Variants in LY96 observed in about 807,000 individuals in gnomAD.
LY96 encodes the protein lymphocyte antigen 96.
In LY96, 18 loss-of-function variants were observed where a neutral mutation model predicts 18.9. The observed-to-expected ratio is 0.95, with a 90% confidence interval of 0.66 to 1.41. The LOEUF is 1.41. Ranked by LOEUF, LY96 falls within the 40% of genes most tolerant of loss-of-function variation. LY96 has a pLI of 0.00. For synonymous variants in LY96, 66 were observed against 62.6 expected (o/e 1.06, Z -0.26); for missense variants, 175 against 182.4 (o/e 0.96, Z 0.23).
chr8:74,089,072 C>T, the LY96 span, among the ~76,000 whole-genome samples: 1 of 152,152 alleles, frequency 6.6e-6, no homozygotes, highest in South Asian at 2.1e-4. Flanking sequence ...AATCCCCTGA[C>T]TTCCTAGCAG....
At chr8:74,082,092 A>AT in the LY96 span, among the ~76,000 whole-genome samples, 24 of 152,060 alleles carry the variant, frequency 1.6e-4, no homozygotes, top group Non-Finnish European at 2.6e-4. Flanking sequence ...CTACAGTCCT[A>AT]TTTTTTGTGC....
At chr8:74,059,425 G>A in the LY96 span, among the ~76,000 whole-genome samples, 1 of 152,096 alleles carries the variant, frequency 6.6e-6, no homozygotes, top group Non-Finnish European at 1.5e-5. Context: ...CAGGAGGTGG[G>A]GATTTCTCTA....
chr8:74,013,892 A>G (rs1474511513), intron 3 of LY96, among the ~76,000 whole-genome samples: 1 of 152,088 alleles, frequency 6.6e-6, no homozygotes, highest in African/African-American at 2.4e-5. Context: ...CCGGTATCCT[A>G]TAGTCAGTGG....
chr8:74,057,118 T>C, the LY96 span, among the ~76,000 whole-genome samples: 7 of 152,078 alleles, frequency 4.6e-5, no homozygotes, highest in Non-Finnish European at 8.8e-5. Flanking sequence ...GGAAAACACA[T>C]GATGTAGTTT....
the LY96 span, among the ~76,000 whole-genome samples, chr8:74,074,494 C>T: frequency 6.6e-6 from 1 of 150,986 alleles, no homozygotes; most frequent in African/African-American, 2.4e-5. Context: ...TTTATTTATG[C>T]TCTGATGTTT....
chr8:74,022,266 G>T (rs1005515557), intron 3 of LY96, among the ~76,000 whole-genome samples: 2 of 151,896 alleles, frequency 1.3e-5, no homozygotes, highest in African/African-American at 4.8e-5. Context: ...AAGTAGATGG[G>T]TGTGGTAGCA....
rs910793478 is a variant in LY96, at chr8:74,009,906, A to C, written c.203-95A>C. On this transcript the variant is annotated intron_variant, in intron 2 of 4. Transcript: ENST00000284818. ...TGATTAAATGAAATAATGTAAGAAA[A>C]GCACAGGGCCCCTTTTAACTATACA... 47 of 858,896 alleles carry C rather than the reference A, an allele frequency of 5.5e-5. 1 individual carries two copies. The highest frequency in any genetic ancestry group is 3.7e-4 in the South Asian group (26 of 70,498). The allele number at this position is 858,896 out of a possible 1,614,324, so 53.2% of individuals were successfully genotyped here. A position where few individuals can be genotyped will look rare whatever the true frequency, so the allele number is the denominator to read the frequency against.
At chr8:74,032,061 G>A (rs1028199131), downstream of LY96, among the ~76,000 whole-genome samples, 1 of 152,162 alleles carries the variant, frequency 6.6e-6, no homozygotes, top group Admixed American at 6.5e-5. Context: ...GGAGGCAGAG[G>A]TTGCAGTGAG....
At chr8:74,024,103 T>C (rs752034200) in intron 3 of LY96, among the ~76,000 whole-genome samples, 3 of 152,186 alleles carry the variant, frequency 2.0e-5, no homozygotes, top group Non-Finnish European at 4.4e-5. Context: ...CAATTACTTT[T>C]ACACCAACCT....
the LY96 span, among the ~76,000 whole-genome samples, chr8:74,090,779 C>G: frequency 6.6e-6 from 1 of 152,176 alleles, no homozygotes; most frequent in Non-Finnish European, 1.5e-5. Flanking sequence ...AGATTAGTTT[C>G]TCCAGCAATT....
chr8:74,087,608 G>T, the LY96 span, among the ~76,000 whole-genome samples: 1 of 152,144 alleles, frequency 6.6e-6, no homozygotes, highest in African/African-American at 2.4e-5. Context: ...GCCGTAAAGG[G>T]CCTCAAACAT....
At chr8:74,046,239 AC>A in the LY96 span, among the ~76,000 whole-genome samples, 6 of 152,188 alleles carry the variant, frequency 3.9e-5, no homozygotes, top group Non-Finnish European at 7.3e-5. Context: ...AGATTGTGCC[AC>A]TGCACTCAGG....
chr8:74,071,885 A>C, the LY96 span, among the ~76,000 whole-genome samples: 7 of 152,090 alleles, frequency 4.6e-5, no homozygotes, highest in Non-Finnish European at 8.8e-5. Flanking sequence ...CATTGTGTGG[A>C]TATACCACAA....
chr8:74,092,224 G>A, the LY96 span, among the ~76,000 whole-genome samples: 479 of 152,266 alleles, frequency 3.1e-3, 1 homozygote, highest in African/African-American at 0.011. Flanking sequence ...AGATGGTGGG[G>A]GAAGCACCAA....
intron 1 of LY96, among the ~76,000 whole-genome samples, chr8:74,002,095 C>CTT (rs1185010034): frequency 0.015 from 183 of 12,604 alleles, 35 homozygotes; most frequent in Middle Eastern, 0.065. Context: ...TTCTTTCTTT[C>CTT]TCTCTCTCTC....
chr8:74,060,836 A>C, the LY96 span, among the ~76,000 whole-genome samples: 1 of 152,208 alleles, frequency 6.6e-6, no homozygotes, highest in Non-Finnish European at 1.5e-5. Context: ...ACTTGGGGTA[A>C]TTCCAGGCCC....
At chr8:74,002,945 A>G (rs1816329964) in intron 1 of LY96, among the ~76,000 whole-genome samples, 1 of 152,136 alleles carries the variant, frequency 6.6e-6, no homozygotes, top group African/African-American at 2.4e-5. Flanking sequence ...CACTGCATTC[A>G]TGTATTGTTC....
chr8:74,070,176 C>T, the LY96 span, among the ~76,000 whole-genome samples: 1 of 151,854 alleles, frequency 6.6e-6, no homozygotes, highest in Non-Finnish European at 1.5e-5. Context: ...ACTGCAAGCT[C>T]CGCCTCCCAG....
At chr8:74,066,859 G>C in the LY96 span, among the ~76,000 whole-genome samples, 1 of 152,210 alleles carries the variant, frequency 6.6e-6, no homozygotes, top group African/African-American at 2.4e-5. Flanking sequence ...TTGGGAGTGC[G>C]CAGGGGATTT....
Sources: allele counts gnomAD v4.1 joint callset (sites outside exome capture counted in the v4.1 genomes callset), GRCh38; gene constraint gnomAD v4.1.1; transcripts MANE v1.5; gene names NCBI Gene and HGNC (gene_info 2026-07-23, HGNC 2026-07-21).